DNAH3: variants seen among roughly 807,000 people sequenced by gnomAD.
DNAH3 encodes dynein axonemal heavy chain 3, also known as axonemal beta dynein heavy chain 3.
Under a neutral mutation model 432.5 loss-of-function variants are expected in DNAH3, and 332 were observed. The ratio of observed to expected loss-of-function variants is 0.77; its 90% CI spans 0.70 to 0.84. The LOEUF is 0.84. DNAH3 is among the 40% of genes least tolerant of loss of function. The pLI is 0.00. For missense variants in DNAH3, 4,861 were observed against 5,114.0 expected, an observed-to-expected ratio of 0.95 and a Z score of 1.51; for synonymous variants, 1,956 against 1,900.2, an observed-to-expected ratio of 1.03 and a Z score of -0.76.
chr16:20,994,491 T>C (rs958163824), intron 44 of DNAH3, among the ~76,000 whole-genome samples: 30 of 152,326 alleles, frequency 2.0e-4, no homozygotes, highest in African/African-American at 6.3e-4. Flanking sequence ...ATAAAATATA[T>C]GTAACATAAA....
At chr16:21,022,295 A>T (rs2088279031) in intron 39 of DNAH3, among the ~76,000 whole-genome samples, 195 bp from the exon 40 acceptor site, 1 of 152,222 alleles carries the variant, frequency 6.6e-6, no homozygotes, top group Admixed American at 6.5e-5. Flanking sequence ...ACTGTTGCCC[A>T]CAGGCCATGT....
chr16:21,096,531 A>T (rs2091686002), intron 18 of DNAH3, among the ~76,000 whole-genome samples: 1 of 152,090 alleles, frequency 6.6e-6, no homozygotes, highest in Non-Finnish European at 1.5e-5. Flanking sequence ...CCCCAACATA[A>T]ATCCCACCCG....
At chr16:20,946,705 T>G (rs1461678872) in intron 57 of DNAH3, among the ~76,000 whole-genome samples, 1 of 152,110 alleles carries the variant, frequency 6.6e-6, no homozygotes, top group African/African-American at 2.4e-5. Flanking sequence ...GTTGGGTGTG[T>G]TAGGCCTTAG....
chr16:21,026,938 T>C, intron 38 of DNAH3, 89 bp downstream of exon 38: 1 of 901,610 alleles, frequency 1.1e-6, no homozygotes, highest in Non-Finnish European at 1.8e-6. Context: ...GAGGGCTTCA[T>C]CACATTTGTG....
intron 20 of DNAH3, among the ~76,000 whole-genome samples, chr16:21,081,024 C>A (rs994799270): frequency 6.6e-6 from 1 of 152,050 alleles, no homozygotes; most frequent in Non-Finnish European, 1.5e-5. Context: ...TTCGAGCGAT[C>A]CTCTGGCCTT....
intron 1 of DNAH3, among the ~76,000 whole-genome samples, chr16:21,152,711 G>A (rs1019161986): frequency 6.6e-6 from 1 of 152,270 alleles, no homozygotes; most frequent in Non-Finnish European, 1.5e-5. Flanking sequence ...GGCCCTGCCG[G>A]CCCCGGGCAA....
chr16:21,064,859 A>AGG (rs1491446191), intron 24 of DNAH3, among the ~76,000 whole-genome samples: 20 of 122,972 alleles, frequency 1.6e-4, no homozygotes, highest in Admixed American at 6.0e-4. Context: ...ATATTGAGGT[A>AGG]GGTGTGTGTG....
chr16:21,019,367 C>G (rs1432934486), intron 41 of DNAH3: 1 of 470,044 alleles, frequency 2.1e-6, no homozygotes, highest in Non-Finnish European at 3.8e-6. Context: ...ACCATGTTGG[C>G]CAGGCCGGTC....
chr16:21,077,636 G>A (rs1462975696), intron 20 of DNAH3, among the ~76,000 whole-genome samples: 7 of 152,134 alleles, frequency 4.6e-5, no homozygotes. Flanking sequence ...AGAGAGAAGA[G>A]GCAAACAAAT....
At chr16:20,944,760 T>A in intron 57 of DNAH3, 97 bp from the exon 58 acceptor site, 1 of 1,157,930 alleles carries the variant, frequency 8.6e-7, no homozygotes, top group Non-Finnish European at 1.3e-6. Flanking sequence ...GGAATCATAC[T>A]GTATCAGTAG....
chr16:21,040,847 G>A (rs1408000811), intron 32 of DNAH3, among the ~76,000 whole-genome samples: 1 of 152,208 alleles, frequency 6.6e-6, no homozygotes, highest in Non-Finnish European at 1.5e-5. Context: ...CACATAGTAA[G>A]TGTTCAGTAT....
chr16:21,062,311 C>G (rs951078783), intron 25 of DNAH3, among the ~76,000 whole-genome samples, 171 bp downstream of exon 25: 3 of 152,132 alleles, frequency 2.0e-5, no homozygotes, highest in Admixed American at 6.5e-5. Context: ...GATGGGTACA[C>G]TGAGACTCAG....
chr16:20,954,316 G>C (rs2084459715), intron 55 of DNAH3, among the ~76,000 whole-genome samples: 1 of 146,754 alleles, frequency 6.8e-6, no homozygotes, highest in South Asian at 2.2e-4. Context: ...TTTGAGACAG[G>C]GTCTCACTCT....
exon 33 of DNAH3, chr16:21,039,897 A>G (rs1162069389): frequency 1.2e-6 from 2 of 1,613,844 alleles, no homozygotes; most frequent in South Asian, 1.1e-5. Flanking sequence ...GATTTCTCCA[A>G]TGAGGGCGTA....
intron 8 of DNAH3, among the ~76,000 whole-genome samples, chr16:21,125,594 C>A (rs2092432186): frequency 6.6e-6 from 1 of 152,162 alleles, no homozygotes; most frequent in Non-Finnish European, 1.5e-5. Context: ...ATTGAGAATA[C>A]CCAAATGGAA....
chr16:21,092,896 T>C (rs1364662038), intron 18 of DNAH3, among the ~76,000 whole-genome samples: 1 of 152,086 alleles, frequency 6.6e-6, no homozygotes, highest in African/African-American at 2.4e-5. Flanking sequence ...ATCATTGCCA[T>C]TAAGGAACTA....
chr16:20,989,099 G>C (rs562436915), intron 44 of DNAH3, among the ~76,000 whole-genome samples: 1 of 152,194 alleles, frequency 6.6e-6, no homozygotes, highest in African/African-American at 2.4e-5. Context: ...TGCGGAAAGA[G>C]ACCCGAGCGG....
intron 17 of DNAH3, 116 bp downstream of exon 17, chr16:21,098,500 A>G: frequency 2.0e-6 from 2 of 988,748 alleles, no homozygotes; most frequent in Non-Finnish European, 2.9e-6. Context: ...CTGGCCAATG[A>G]GTTAACCAAT....
rs753984666 is a variant in DNAH3 at position 20,964,497 on chromosome 16, G to A, written c.9387C>T (p.Asn3129=). Residue 3129 remains asparagine (N), a synonymous_variant, in exon 53 of 62, where the codon AAC becomes AAT. Transcript: ENST00000261383. ...TAGAAGCATCCAGCTCTTCTCCAAT[G>A]TTTTCAATCAAGACAGGGGTGCCTA... 15 of 1,614,146 alleles carry A rather than the reference G, an allele frequency of 9.3e-6. No individual in the cohort carries two copies. In the East Asian group the frequency reaches 3.3e-4, roughly 36 times the overall value.
Sources: gnomAD v4.1 joint callset for allele counts (sites outside exome capture counted in the v4.1 genomes callset) on GRCh38, gnomAD v4.1.1 for gene constraint, MANE v1.5 for transcripts, NCBI Gene and HGNC (gene_info 2026-07-23, HGNC 2026-07-21) for gene names.